The following PPFIA2 variants were observed in gnomAD, a reference collection of about 807,000 sequenced individuals.
The protein encoded by PPFIA2 is liprin-alpha-2.
Under a neutral mutation model 175.5 loss-of-function variants are expected in PPFIA2, and 46 were observed. The ratio of observed to expected loss-of-function variants is 0.26; its 90% CI spans 0.21 to 0.34. The LOEUF is 0.34. Among genes scored for constraint, PPFIA2 ranks in the 10% least tolerant of loss-of-function variants. The pLI is 1.00. For synonymous variants in PPFIA2, 568 were observed against 511.4 expected (o/e 1.11, Z -1.49); for missense variants, 1,179 against 1,506.1 (o/e 0.78, Z 3.60).
intron 7 of PPFIA2, among the ~76,000 whole-genome samples, chr12:81,429,762 T>C (rs182013924): frequency 6.6e-6 from 1 of 152,168 alleles, no homozygotes; most frequent in East Asian, 1.9e-4. Flanking sequence ...AAAATAACTT[T>C]ATAGATTTAA....
intron 4 of PPFIA2, among the ~76,000 whole-genome samples, chr12:81,530,314 A>C (rs2064333248): frequency 6.6e-6 from 1 of 151,986 alleles, no homozygotes; most frequent in Non-Finnish European, 1.5e-5. Flanking sequence ...AATGAACACA[A>C]TTTTAGTATC....
intron 3 of PPFIA2, among the ~76,000 whole-genome samples, chr12:81,694,552 G>A (rs1358279891): frequency 6.6e-6 from 1 of 152,214 alleles, no homozygotes; most frequent in African/African-American, 2.4e-5. Context: ...CTAGATTGCA[G>A]AGGATGTATT....
At chr12:81,620,032 T>C (rs1006570944) in intron 4 of PPFIA2, among the ~76,000 whole-genome samples, 1 of 151,148 alleles carries the variant, frequency 6.6e-6, no homozygotes, top group Non-Finnish European at 1.5e-5. Flanking sequence ...TGATGGCGGG[T>C]GCCTGTAGTC....
At chr12:81,618,817 C>T (rs1595680139) in intron 4 of PPFIA2, among the ~76,000 whole-genome samples, 1 of 152,242 alleles carries the variant, frequency 6.6e-6, no homozygotes, top group Admixed American at 6.5e-5. Flanking sequence ...CAGGCGTGAG[C>T]CACCGCGCCC....
At chr12:81,594,191 T>C (rs2058997812) in intron 4 of PPFIA2, among the ~76,000 whole-genome samples, 1 of 152,090 alleles carries the variant, frequency 6.6e-6, no homozygotes, top group South Asian at 2.1e-4. Flanking sequence ...CTCAAGTTCA[T>C]GGAAAAATTG....
intron 4 of PPFIA2, chr12:81,545,935 G>GTCT (rs2066923102): frequency 6.6e-6 from 1 of 152,018 alleles, no homozygotes; most frequent in Admixed American, 6.6e-5. Context: ...GACCAGCATG[G>GTCT]CCAACATGGT....
intron 14 of PPFIA2, 49 bp downstream of exon 14, chr12:81,367,059 T>A: frequency 7.0e-7 from 1 of 1,420,410 alleles, no homozygotes. Context: ...ATCAGTGGAA[T>A]AGAAAATAAA....
chr12:81,401,939 T>A (rs945967034), intron 8 of PPFIA2, among the ~76,000 whole-genome samples: 1 of 152,184 alleles, frequency 6.6e-6, no homozygotes, highest in African/African-American at 2.4e-5. Flanking sequence ...CAGTTAAGTG[T>A]ATTTTTTCTT....
At chr12:81,270,046 C>A (rs747022275) in intron 28 of PPFIA2, among the ~76,000 whole-genome samples, 1 of 152,090 alleles carries the variant, frequency 6.6e-6, no homozygotes, top group Non-Finnish European at 1.5e-5. Context: ...AACCTAACAC[C>A]ACCTGTTCCC....
intron 4 of PPFIA2, among the ~76,000 whole-genome samples, chr12:81,486,669 C>T (rs950073187): frequency 6.6e-6 from 1 of 151,798 alleles, no homozygotes; most frequent in Non-Finnish European, 1.5e-5. Context: ...GTATGCCATG[C>T]TTTATCCATG....
chr12:81,606,888 A>G (rs1429684324), intron 4 of PPFIA2, among the ~76,000 whole-genome samples: 1 of 152,106 alleles, frequency 6.6e-6, no homozygotes, highest in East Asian at 1.9e-4. Context: ...ATATTTGCCA[A>G]TGCCGATGTT....
intron 4 of PPFIA2, among the ~76,000 whole-genome samples, chr12:81,669,932 T>C (rs1398689525): frequency 6.6e-6 from 1 of 152,022 alleles, no homozygotes; most frequent in African/African-American, 2.4e-5. Context: ...CTGTCCTTGG[T>C]TCATAGAGAC....
At chr12:81,574,502 C>G (rs2073150344) in intron 4 of PPFIA2, among the ~76,000 whole-genome samples, 2 of 151,666 alleles carry the variant, frequency 1.3e-5, no homozygotes, top group Non-Finnish European at 2.9e-5. Context: ...TTCTATGCCA[C>G]TATGTTCACC....
intron 4 of PPFIA2, among the ~76,000 whole-genome samples, chr12:81,639,070 T>A (rs2064565958): frequency 6.6e-6 from 1 of 152,218 alleles, no homozygotes; most frequent in Non-Finnish European, 1.5e-5. Flanking sequence ...CTGTCACTTT[T>A]CTTTTCCTTC....
intron 4 of PPFIA2, among the ~76,000 whole-genome samples, chr12:81,465,842 T>C (rs1168146328): frequency 6.6e-6 from 1 of 152,194 alleles, no homozygotes; most frequent in Non-Finnish European, 1.5e-5. Context: ...GAGGAGTCTT[T>C]AGAAATTCAG....
chr12:81,534,760 T>C (rs978172282), intron 4 of PPFIA2, among the ~76,000 whole-genome samples: 5 of 151,796 alleles, frequency 3.3e-5, no homozygotes, highest in East Asian at 1.9e-4. Flanking sequence ...GCAGATAAAG[T>C]AATTGCCACA....
intron 8 of PPFIA2, among the ~76,000 whole-genome samples, chr12:81,389,125 T>TTA (rs61254401): frequency 0.04 from 5,822 of 144,892 alleles, 177 homozygotes; most frequent in African/African-American, 0.084. Context: ...ATTCAATATT[T>TTA]TATATATATA....
chr12:81,497,530 CTTTTTTTTTTTTTTTTT>C (rs34030284), intron 4 of PPFIA2, among the ~76,000 whole-genome samples: 1 of 66,184 alleles, frequency 1.5e-5, no homozygotes, highest in African/African-American at 5.5e-5. Flanking sequence ...TCATTGATGT[CTTTTTTTTTTTTTTTTT>C]TTTTTTTTTG....
intron 29 of PPFIA2, among the ~76,000 whole-genome samples, 180 bp downstream of exon 29, chr12:81,267,728 ATTTT>A (rs137975780): frequency 5.1e-5 from 4 of 77,754 alleles, no homozygotes; most frequent in Non-Finnish European, 1.3e-4. Context: ...TAATTGTATG[ATTTT>A]TTTTTTTTTT....
Sources: allele counts gnomAD v4.1 joint callset (sites outside exome capture counted in the v4.1 genomes callset), GRCh38; gene constraint gnomAD v4.1.1; transcripts MANE v1.5; gene names NCBI Gene and HGNC (gene_info 2026-07-23, HGNC 2026-07-21).